GALNT13: variants seen among roughly 807,000 people sequenced by gnomAD.
GALNT13 encodes the protein UDP-GalNAc:polypeptide N-acetylgalactosaminyltransferase 13.
In GALNT13, 28 loss-of-function variants were observed where a neutral mutation model predicts 64.2. That is an observed-to-expected ratio of 0.44 (90% confidence interval 0.32 to 0.60). The LOEUF is 0.60. Among genes scored for constraint, GALNT13 ranks in the 20% least tolerant of loss-of-function variants. The probability of loss-of-function intolerance (pLI) is 0.05; values close to 1 mark genes in which losing one functional copy is unlikely to be tolerated. For synonymous variants in GALNT13, 214 were observed against 224.6 expected (o/e 0.95, Z 0.42); for missense variants, 577 against 669.8 (o/e 0.86, Z 1.53).
At chr2:153,827,583 G>C in the GALNT13 span, among the ~76,000 whole-genome samples, 1 of 145,670 alleles carries the variant, frequency 6.9e-6, no homozygotes, top group African/African-American at 2.6e-5. Context: ...CTGAGATCGT[G>C]CCACTGCACT....
the GALNT13 span, among the ~76,000 whole-genome samples, chr2:153,338,051 CT>C: frequency 6.6e-6 from 1 of 152,110 alleles, no homozygotes; most frequent in African/African-American, 2.4e-5. Context: ...TTCCTATGAT[CT>C]CAGTACTTTG....
chr2:154,368,090 C>T (rs1411654936), intron 9 of GALNT13, among the ~76,000 whole-genome samples: 2 of 152,012 alleles, frequency 1.3e-5, no homozygotes, highest in Admixed American at 6.6e-5. Flanking sequence ...TTAGAATAAA[C>T]ATCTATATAT....
chr2:154,169,426 C>G (rs1685231543), intron 4 of GALNT13, among the ~76,000 whole-genome samples: 1 of 152,128 alleles, frequency 6.6e-6, no homozygotes, highest in Non-Finnish European at 1.5e-5. Flanking sequence ...ATGAACACAA[C>G]CAGCTCTTGT....
the GALNT13 span, among the ~76,000 whole-genome samples, chr2:153,850,615 G>T: frequency 6.6e-6 from 1 of 152,146 alleles, no homozygotes; most frequent in African/African-American, 2.4e-5. Flanking sequence ...ATGAATCATG[G>T]TTAGTAAACA....
intron 9 of GALNT13, among the ~76,000 whole-genome samples, chr2:154,322,144 CTTTTTTTTTTTTTTTTTTT>C (rs70983718): frequency 6.0e-5 from 1 of 16,612 alleles, no homozygotes; most frequent in Non-Finnish European, 1.0e-4. Context: ...AAAATATGTA[CTTTTTTTTTTTTTTTTTTT>C]TTTTTTTTTT....
At chr2:153,947,344 C>T (rs968372833) in intron 3 of GALNT13, among the ~76,000 whole-genome samples, 3 of 150,990 alleles carry the variant, frequency 2.0e-5, no homozygotes, top group Non-Finnish European at 4.4e-5. Context: ...TGTGTGTGTG[C>T]GTGTAATCAT....
chr2:153,352,066 A>G, the GALNT13 span, among the ~76,000 whole-genome samples: 1 of 152,198 alleles, frequency 6.6e-6, no homozygotes, highest in Non-Finnish European at 1.5e-5. Context: ...AACACTTTGC[A>G]TTCCTACCAG....
the GALNT13 span, among the ~76,000 whole-genome samples, chr2:153,439,074 C>T: frequency 1.6e-4 from 24 of 152,152 alleles, no homozygotes; most frequent in Non-Finnish European, 3.1e-4. Flanking sequence ...TTGGAGTTTG[C>T]TGGAGGTCCA....
the GALNT13 span, among the ~76,000 whole-genome samples, chr2:153,109,258 G>C: frequency 6.6e-6 from 1 of 152,112 alleles, no homozygotes; most frequent in Admixed American, 6.6e-5. Context: ...TCAAGCCAAA[G>C]GTTGAAACAA....
At chr2:153,837,414 T>C in the GALNT13 span, among the ~76,000 whole-genome samples, 1 of 152,128 alleles carries the variant, frequency 6.6e-6, no homozygotes. Flanking sequence ...ATTAGCCCTT[T>C]GTCAGATACT....
the GALNT13 span, among the ~76,000 whole-genome samples, chr2:153,723,787 G>C: frequency 6.6e-6 from 1 of 151,092 alleles, no homozygotes; most frequent in Non-Finnish European, 1.5e-5. Flanking sequence ...ACAAACCACT[G>C]CTCAAGGAAA....
intron 4 of GALNT13, among the ~76,000 whole-genome samples, chr2:154,180,192 A>G (rs1685876253): frequency 6.6e-6 from 1 of 152,170 alleles, no homozygotes; most frequent in Admixed American, 6.6e-5. Context: ...TAATCATTTC[A>G]GTTTTTTGTG....
chr2:154,194,964 C>G (rs985305812), intron 4 of GALNT13, among the ~76,000 whole-genome samples: 7 of 151,546 alleles, frequency 4.6e-5, no homozygotes, highest in African/African-American at 1.7e-4. Flanking sequence ...CCCATCAACC[C>G]ATCATCTAGG....
the GALNT13 span, among the ~76,000 whole-genome samples, chr2:153,123,014 A>G: frequency 6.6e-6 from 1 of 152,146 alleles, no homozygotes; most frequent in East Asian, 1.9e-4. Context: ...TGCCATGTGA[A>G]GATACAGAAG....
At chr2:153,707,717 A>G in the GALNT13 span, among the ~76,000 whole-genome samples, 1 of 152,168 alleles carries the variant, frequency 6.6e-6, no homozygotes, top group Non-Finnish European at 1.5e-5. Flanking sequence ...ATAGCCCATC[A>G]TGTTCTGTGG....
At chr2:153,613,155 T>G in the GALNT13 span, among the ~76,000 whole-genome samples, 1 of 152,084 alleles carries the variant, frequency 6.6e-6, no homozygotes, top group East Asian at 1.9e-4. Flanking sequence ...GAGATACTTG[T>G]GGAAAAAATT....
the GALNT13 span, among the ~76,000 whole-genome samples, chr2:153,587,149 G>C: frequency 1.3e-5 from 2 of 149,694 alleles, no homozygotes; most frequent in Non-Finnish European, 3.0e-5. Flanking sequence ...CACAAGAGTC[G>C]CATGAGCCTG....
intron 12 of GALNT13, among the ~76,000 whole-genome samples, chr2:154,444,482 G>A (rs1161120047): frequency 6.6e-6 from 1 of 152,068 alleles, no homozygotes; most frequent in African/African-American, 2.4e-5. Flanking sequence ...TAATATTGGT[G>A]AAGATGCAGT....
chr2:153,586,931 T>C, the GALNT13 span, among the ~76,000 whole-genome samples: 1 of 151,114 alleles, frequency 6.6e-6, no homozygotes, highest in Non-Finnish European at 1.5e-5. Context: ...TGAATGATCA[T>C]TGGGTCAATA....
Sources: gnomAD v4.1 joint callset for allele counts (sites outside exome capture counted in the v4.1 genomes callset) on GRCh38, gnomAD v4.1.1 for gene constraint, MANE v1.5 for transcripts, NCBI Gene and HGNC (gene_info 2026-07-23, HGNC 2026-07-21) for gene names.